GRIP1: variants seen among roughly 807,000 people sequenced by gnomAD.
GRIP1 encodes the protein glutamate receptor interacting protein 1, also known as glutamate receptor-interacting protein 1.
A neutral mutation model predicts 129.9 loss-of-function variants in GRIP1; 45 were observed. The ratio of observed to expected loss-of-function variants is 0.35; its 90% CI spans 0.27 to 0.44. The LOEUF (loss-of-function observed/expected upper bound fraction) is 0.44, where lower values mean the gene tolerates loss of function less well. Among genes scored for constraint, GRIP1 ranks in the 20% least tolerant of loss-of-function variants. GRIP1 has a pLI of 1.00. For synonymous variants in GRIP1, 530 were observed against 520.8 expected, an observed-to-expected ratio of 1.02 and a Z score of -0.24; for missense variants, 1,196 against 1,396.8, an observed-to-expected ratio of 0.86 and a Z score of 2.29.
At chr12:66,606,127 A>G (rs1050064297) in intron 1 of GRIP1, among the ~76,000 whole-genome samples, 2 of 152,168 alleles carry the variant, frequency 1.3e-5, no homozygotes, top group South Asian at 2.1e-4. Flanking sequence ...GATGTTCCCA[A>G]TAAGCCAAGG....
intron 20 of GRIP1, among the ~76,000 whole-genome samples, chr12:66,377,592 GC>G (rs1270664886): frequency 1.3e-5 from 2 of 149,518 alleles, no homozygotes; most frequent in Admixed American, 1.3e-4. Context: ...GCCCGCCTCG[GC>G]CTCCCAAAGT....
chr12:66,639,993 C>T (rs116365503), intron 1 of GRIP1, among the ~76,000 whole-genome samples: 1,957 of 152,232 alleles, frequency 0.013, 47 homozygotes, highest in African/African-American at 0.045. Context: ...CATACCCACA[C>T]CTCTCTCTAG....
chr12:66,397,240 A>G (rs2056827595), intron 16 of GRIP1, among the ~76,000 whole-genome samples: 1 of 151,828 alleles, frequency 6.6e-6, no homozygotes, highest in South Asian at 2.1e-4. Context: ...GGCCAGGCGC[A>G]GTGGCTCACG....
chr12:66,583,793 C>T lies in GRIP1; in HGVS notation c.136+13054G>A, dbSNP rs1305212949. ...GAGAGGATGTGGAGAAATAGGAACA[C>T]TTTTACACTGTTGGTGGGACTGTAA... On this transcript the variant is annotated intron_variant, in intron 2 of 24. Transcript: ENST00000359742. Among the ~76,000 whole-genome samples the T allele has an allele frequency of 2.2e-5, 3 of 134,804 alleles. 1 individual carries two copies. Among genetic ancestry groups the T allele is most frequent in the Non-Finnish European group, 1.6e-5 (1 of 60,992 alleles). 88.4% of individuals were successfully genotyped at this position (134,804 alleles called of 152,430 possible).
intron 1 of GRIP1, among the ~76,000 whole-genome samples, chr12:66,713,465 A>G (rs1458625087): frequency 6.6e-6 from 1 of 152,016 alleles, no homozygotes; most frequent in East Asian, 1.9e-4. Context: ...CTTGTCAAAA[A>G]TGCAGCTTCT....
intron 7 of GRIP1, among the ~76,000 whole-genome samples, chr12:66,502,893 A>G (rs550320441): frequency 4.6e-5 from 7 of 152,300 alleles, no homozygotes; most frequent in African/African-American, 1.7e-4. Flanking sequence ...AGACTATCCA[A>G]ATTACTTCAA....
chr12:66,943,969 A>C (rs569722200), intron 1 of GRIP1, among the ~76,000 whole-genome samples: 1 of 152,216 alleles, frequency 6.6e-6, no homozygotes, highest in East Asian at 1.9e-4. Context: ...TATTCTTTAA[A>C]TCTATCATCT....
intron 1 of GRIP1, among the ~76,000 whole-genome samples, chr12:66,694,665 G>T (rs2035093319): frequency 1.3e-5 from 2 of 152,262 alleles, no homozygotes; most frequent in East Asian, 3.9e-4. Context: ...TACTATTATT[G>T]ATATTGCTGG....
At chr12:66,540,692 G>A (rs1026064912) in intron 3 of GRIP1, among the ~76,000 whole-genome samples, 1 of 152,200 alleles carries the variant, frequency 6.6e-6, no homozygotes, top group Non-Finnish European at 1.5e-5. Flanking sequence ...GACATTTTAT[G>A]GGGCAAGAAC....
intron 1 of GRIP1, among the ~76,000 whole-genome samples, chr12:67,004,148 T>C (rs1390353145): frequency 2.0e-5 from 3 of 152,230 alleles, no homozygotes; most frequent in African/African-American, 7.2e-5. Flanking sequence ...AAAGACTCTT[T>C]ATCTAAATAG....
chr12:66,937,012 C>G (rs991844671), intron 1 of GRIP1, among the ~76,000 whole-genome samples: 3 of 152,144 alleles, frequency 2.0e-5, no homozygotes, highest in Non-Finnish European at 2.9e-5. Context: ...CATTAATCAT[C>G]TATTTGGAGG....
chr12:66,428,604 T>C (rs181286351), intron 14 of GRIP1, among the ~76,000 whole-genome samples: 1 of 152,248 alleles, frequency 6.6e-6, no homozygotes. Flanking sequence ...CAGTGCTAAG[T>C]CAGAGACAAT....
At chr12:66,565,054 T>A (rs1238490002) in intron 2 of GRIP1, among the ~76,000 whole-genome samples, 1 of 152,232 alleles carries the variant, frequency 6.6e-6, no homozygotes, top group Non-Finnish European at 1.5e-5. Context: ...TTGCAAAAAT[T>A]TTCCCCCATT....
chr12:66,528,553 G>A (rs1234012953), intron 5 of GRIP1, among the ~76,000 whole-genome samples: 2 of 152,092 alleles, frequency 1.3e-5, no homozygotes, highest in African/African-American at 2.4e-5. Flanking sequence ...TAGAATCTTC[G>A]ATCCATTTTT....
At chr12:66,705,911 TG>T (rs1208096941) in intron 1 of GRIP1, among the ~76,000 whole-genome samples, 1 of 152,050 alleles carries the variant, frequency 6.6e-6, no homozygotes, top group Non-Finnish European at 1.5e-5. Flanking sequence ...TAACTCAAGG[TG>T]GATAAAAGAC....
intron 2 of GRIP1, among the ~76,000 whole-genome samples, chr12:66,561,406 G>A (rs566945099): frequency 8.6e-5 from 13 of 152,012 alleles, no homozygotes; most frequent in Non-Finnish European, 1.9e-4. Flanking sequence ...TGATTATTAT[G>A]CATTGCATGG....
At chr12:66,987,440 T>G (rs2042328446) in intron 1 of GRIP1, among the ~76,000 whole-genome samples, 1 of 152,202 alleles carries the variant, frequency 6.6e-6, no homozygotes, top group Admixed American at 6.5e-5. Flanking sequence ...ATCAACCTAC[T>G]CATTCTCTCT....
chr12:66,725,251 C>T (rs1276738653), intron 1 of GRIP1, among the ~76,000 whole-genome samples: 1 of 152,032 alleles, frequency 6.6e-6, no homozygotes, highest in Non-Finnish European at 1.5e-5. Flanking sequence ...TGCAGTGAGT[C>T]ATGATCACGC....
At chr12:66,845,117 T>A (rs1285444303) in intron 1 of GRIP1, among the ~76,000 whole-genome samples, 4 of 152,132 alleles carry the variant, frequency 2.6e-5, no homozygotes, top group Non-Finnish European at 5.9e-5. Flanking sequence ...GTTATGTATT[T>A]TACAATTAAA....
Sources: gnomAD v4.1 joint callset for allele counts (sites outside exome capture counted in the v4.1 genomes callset) on GRCh38, gnomAD v4.1.1 for gene constraint, MANE v1.5 for transcripts, NCBI Gene and HGNC (gene_info 2026-07-23, HGNC 2026-07-21) for gene names.